The following FHL2 variants were observed in gnomAD, a reference collection of about 807,000 sequenced individuals.
FHL2 encodes four and a half LIM domains protein 2.
Under a neutral mutation model 32.7 loss-of-function variants are expected in FHL2, and 20 were observed. That is an observed-to-expected ratio of 0.61 (90% CI 0.43 to 0.89). The LOEUF (loss-of-function observed/expected upper bound fraction) is 0.89, where lower values mean the gene tolerates loss of function less well. Ranked by LOEUF, FHL2 falls within the 40% of genes least tolerant of loss-of-function variation. FHL2 has a pLI of 0.00. For missense variants in FHL2, 311 were observed against 358.6 expected (o/e 0.87, Z 1.07); for synonymous variants, 123 against 128.1 (o/e 0.96, Z 0.27).
At chr2:105,396,749 C>T in intron 1 of FHL2, 52 bp from the exon 2 acceptor site, 1 of 1,531,912 alleles carries the variant, frequency 6.5e-7, no homozygotes, top group Non-Finnish European at 9.0e-7. Context: ...AGGAAGCGAA[C>T]TCAGTATAAT....
At chr2:105,392,144 A>C (rs1558709600) in intron 2 of FHL2, among the ~76,000 whole-genome samples, 1 of 152,156 alleles carries the variant, frequency 6.6e-6, no homozygotes, top group Non-Finnish European at 1.5e-5. Context: ...GAAGGCTTTG[A>C]TCTCTGAGTC....
chr2:105,411,538 G>GTTT lies in FHL2; in HGVS notation c.-24-25001_-24-24999dup, dbSNP rs9308884. ...ATTTGTAAATGGTCCTGAACTTAGG[G>GTTT]TTTTTTTTTTTTTTTTTTTTTTTTT... On this transcript the variant is annotated intron_variant, in intron 1 of 5. Transcript: ENST00000393352. 2.3e-4 allele frequency among the ~76,000 whole-genome samples: 19 copies of GTTT among 81,168 alleles called. 2 individuals are homozygous for GTTT. In the South Asian group the frequency reaches 9.1e-3, roughly 39 times the overall value. The allele number at this position is 81,168 out of a possible 152,430, so 53.2% of individuals were successfully genotyped here. A position where few individuals can be genotyped will look rare whatever the true frequency, so the allele number is the denominator to read the frequency against.
At chr2:105,429,915 T>A (rs1412366279) in intron 1 of FHL2, among the ~76,000 whole-genome samples, 1 of 152,182 alleles carries the variant, frequency 6.6e-6, no homozygotes, top group Non-Finnish European at 1.5e-5. Flanking sequence ...CCATGGCTGT[T>A]AGTGCCTCCT....
At chr2:105,397,736 G>T (rs1292808067) in intron 1 of FHL2, among the ~76,000 whole-genome samples, 1 of 152,086 alleles carries the variant, frequency 6.6e-6, no homozygotes, top group African/African-American at 2.4e-5. Context: ...TAAACTGGGG[G>T]GTGATCTAAA....
intron 5 of FHL2, among the ~76,000 whole-genome samples, chr2:105,365,275 A>G (rs1381966885): frequency 6.6e-6 from 1 of 152,056 alleles, no homozygotes; most frequent in African/African-American, 2.4e-5. Context: ...GTGTACTTCC[A>G]CCTAGACTAC....
At chr2:105,420,433 A>G (rs1168503728) in intron 1 of FHL2, among the ~76,000 whole-genome samples, 1 of 152,210 alleles carries the variant, frequency 6.6e-6, no homozygotes, top group Non-Finnish European at 1.5e-5. Context: ...TTACTCGGTA[A>G]CAACCCCATT....
chr2:105,383,790 T>A (rs1196251514), intron 3 of FHL2, among the ~76,000 whole-genome samples: 1 of 152,228 alleles, frequency 6.6e-6, no homozygotes, highest in Non-Finnish European at 1.5e-5. Flanking sequence ...ACCCGATTAT[T>A]TTTGAAAGTC....
rs982423684 is a variant in FHL2, at chr2:105,373,597, G to C, written c.293C>G (p.Ser98Ter). Residue 98 changes from serine (S) to a stop codon, truncating the protein, a stop_gained, in exon 4 of 7, where the codon TCA (serine) becomes TGA (stop). Transcript: ENST00000530340. LOFTEE classifies it high-confidence loss of function. ...CTTCTTGCATTCCTGGCACTTGGAT[G>C]AGTACTCGTTGGAATAGCAGTCTGT... ...LCTDCYSNEY[S>*]SKCQECKKTI... is the part of the protein sequence containing the mutation. 6.8e-6 allele frequency: 11 copies of C among 1,614,096 alleles called. No homozygotes were observed. Among genetic ancestry groups the C allele is most frequent in the Non-Finnish European group, 9.3e-6 (11 of 1,180,040 alleles).
chr2:105,381,225 C>T (rs1681862418), intron 3 of FHL2, among the ~76,000 whole-genome samples: 1 of 152,150 alleles, frequency 6.6e-6, no homozygotes, highest in Admixed American at 6.5e-5. Context: ...AAGATATTTT[C>T]TGCTTGAGAT....
rs534863047 is a variant in FHL2, at chr2:105,412,689, G to A, written c.-25+25710C>T. ...TCCAGGGGAGCCTAAGGTTTAGGGG[G>A]CAGCATCCGCAGAGGTGGCTGAGAA... On this transcript the variant is annotated intron_variant, in intron 1 of 5. Transcript: ENST00000393352. Among the ~76,000 whole-genome samples the A allele has an allele frequency of 5.4e-4, 82 of 152,328 alleles. 1 individual carries two copies. The highest frequency in any genetic ancestry group is 3.9e-4 in the East Asian group (2 of 5,182).
At chr2:105,393,744 C>G (rs1682902182) in intron 2 of FHL2, among the ~76,000 whole-genome samples, 1 of 152,206 alleles carries the variant, frequency 6.6e-6, no homozygotes, top group Admixed American at 6.5e-5. Flanking sequence ...GTGAACAATC[C>G]ACTCTGCATA....
At chr2:105,424,952 G>A (rs1684213262) in intron 1 of FHL2, among the ~76,000 whole-genome samples, 2 of 152,200 alleles carry the variant, frequency 1.3e-5, no homozygotes, top group East Asian at 1.9e-4. Flanking sequence ...GCAAACCACC[G>A]TGGCACATGT....
chr2:105,402,235 A>ATATG (rs1221901319), upstream of FHL2, among the ~76,000 whole-genome samples: 4 of 141,168 alleles, frequency 2.8e-5, no homozygotes, highest in Non-Finnish European at 6.0e-5. Flanking sequence ...GTATATATAT[A>ATATG]TGTGTGTGTG....
chr2:105,423,606 C>G (rs1684171347), intron 1 of FHL2, among the ~76,000 whole-genome samples: 1 of 152,156 alleles, frequency 6.6e-6, no homozygotes, highest in African/African-American at 2.4e-5. Context: ...ACTTCCATCA[C>G]ACTACCTGAC....
At chr2:105,409,570 A>G (rs576637996) in intron 1 of FHL2, among the ~76,000 whole-genome samples, 8 of 152,320 alleles carry the variant, frequency 5.3e-5, no homozygotes, top group Middle Eastern at 3.4e-3. Flanking sequence ...GCCAGTTTAA[A>G]TATGCGTATG....
At chr2:105,363,559 C>A (rs1476655580) in intron 5 of FHL2, 88 bp from the exon 6 acceptor site, 6 of 1,260,360 alleles carry the variant, frequency 4.8e-6, no homozygotes, top group Non-Finnish European at 6.6e-6. Context: ...GATGCAAGAT[C>A]CTCATCCAGA....
At chr2:105,407,177 G>A (rs992790205) in intron 1 of FHL2, among the ~76,000 whole-genome samples, 58 of 152,162 alleles carry the variant, frequency 3.8e-4, no homozygotes, top group African/African-American at 1.4e-3. Context: ...TGGATCACAA[G>A]GTCAAGAGAT....
In FHL2 at chr2:105,386,461, T is replaced by A. The variant is rs768464093; in HGVS notation, c.56A>T (p.Tyr19Phe). 6.2e-7 allele frequency: 1 copy of A among 1,614,234 alleles called. No individual in the cohort carries two copies. Among genetic ancestry groups the A allele is most frequent in the East Asian group, 2.2e-5 (1 of 44,882 alleles). ...HCNESLFGKK[Y>F]ILREESPYCV... ...GTAGGGGCTCTCCTCCCGCAGGATG[T>A]ACTTCTTGCCAAAGAGAGATTCGTT... Residue 19 changes from tyrosine to phenylalanine, a missense_variant, in exon 3 of 7, where the codon TAC becomes TTC. Coordinates refer to ENST00000530340, the MANE Select transcript of FHL2 (RefSeq NM_001318895.3).
intron 1 of FHL2, among the ~76,000 whole-genome samples, chr2:105,411,840 A>T (rs1489244928): frequency 6.6e-6 from 1 of 152,042 alleles, no homozygotes; most frequent in Non-Finnish European, 1.5e-5. Flanking sequence ...AAAAGTTCAC[A>T]TGGCATCCTT....
Sources: allele counts gnomAD v4.1 joint callset (sites outside exome capture counted in the v4.1 genomes callset), GRCh38; gene constraint gnomAD v4.1.1; transcripts MANE v1.5; gene names NCBI Gene and HGNC (gene_info 2026-07-23, HGNC 2026-07-21).